CENPW: variants seen among roughly 807,000 people sequenced by gnomAD.
CENPW encodes the protein centromere protein W, also known as cancer-up-regulated gene 2 protein.
Under a neutral mutation model 11.1 loss-of-function variants are expected in CENPW, and 3 were observed. The observed-to-expected ratio is 0.27, with a 90% confidence interval of 0.12 to 0.70. CENPW has a LOEUF of 0.70. Ranked by LOEUF, CENPW falls within the 30% of genes least tolerant of loss-of-function variation. The probability of loss-of-function intolerance (pLI) is 0.77; values close to 1 mark genes in which losing one functional copy is unlikely to be tolerated. For synonymous variants in CENPW, 38 were observed against 42.0 expected, an observed-to-expected ratio of 0.91 and a Z score of 0.37; for missense variants, 100 against 105.6, an observed-to-expected ratio of 0.95 and a Z score of 0.23.
At chr6:126,443,096 A>G in the CENPW span, among the ~76,000 whole-genome samples, 2 of 151,330 alleles carry the variant, frequency 1.3e-5, 1 homozygote, top group South Asian at 4.1e-4. Context: ...ATTTAAAATT[A>G]TACAGTAATT....
chr6:126,348,300 C>G (rs1780446505), intron 2 of CENPW, among the ~76,000 whole-genome samples, 166 bp from the exon 3 acceptor site: 1 of 151,914 alleles, frequency 6.6e-6, no homozygotes, highest in Non-Finnish European at 1.5e-5. Context: ...GACTATAAGA[C>G]AAAAGATTCC....
the CENPW span, among the ~76,000 whole-genome samples, chr6:126,460,430 C>A: frequency 6.6e-6 from 1 of 151,634 alleles, no homozygotes; most frequent in African/African-American, 2.4e-5. Context: ...CAATTGCTTT[C>A]CTGTGTAATG....
the CENPW span, among the ~76,000 whole-genome samples, chr6:126,474,288 C>CTCTTGTTT: frequency 1.3e-5 from 2 of 152,076 alleles, no homozygotes; most frequent in East Asian, 1.9e-4. Flanking sequence ...AACAGTAAAG[C>CTCTTGTTT]TCTTGTTTTT....
the CENPW span, among the ~76,000 whole-genome samples, chr6:126,378,767 ATT>A: frequency 6.6e-6 from 1 of 152,324 alleles, no homozygotes; most frequent in Non-Finnish European, 1.5e-5. Context: ...TTATGTGACA[ATT>A]TGAAAATATT....
At chr6:126,399,081 C>T in the CENPW span, among the ~76,000 whole-genome samples, 2 of 151,860 alleles carry the variant, frequency 1.3e-5, no homozygotes, top group Non-Finnish European at 2.9e-5. Flanking sequence ...AGGTTGATTC[C>T]ATGTCTTTGC....
the CENPW span, among the ~76,000 whole-genome samples, chr6:126,471,530 T>A: frequency 4.2e-4 from 64 of 152,246 alleles, no homozygotes; most frequent in Admixed American, 2.9e-3. Context: ...GCAGCACTAT[T>A]TTAAATGGCC....
the CENPW span, among the ~76,000 whole-genome samples, chr6:126,423,610 G>A: frequency 6.6e-5 from 10 of 152,102 alleles, no homozygotes; most frequent in African/African-American, 2.2e-4. Flanking sequence ...GATGTTATGT[G>A]TGGTGGATGG....
the CENPW span, among the ~76,000 whole-genome samples, chr6:126,363,764 C>A: frequency 1.3e-5 from 2 of 152,190 alleles, no homozygotes; most frequent in South Asian, 2.1e-4. Context: ...CTCCTATCAA[C>A]CTTATCTCTC....
chr6:126,349,898 T>C (rs1287457350), downstream of CENPW, among the ~76,000 whole-genome samples: 1 of 152,138 alleles, frequency 6.6e-6, no homozygotes, highest in Non-Finnish European at 1.5e-5. Context: ...TCACTTAATC[T>C]GGAGTGCAGT....
chr6:126,365,583 C>G, the CENPW span, among the ~76,000 whole-genome samples: 3 of 152,178 alleles, frequency 2.0e-5, no homozygotes, highest in Non-Finnish European at 4.4e-5. Flanking sequence ...CACCAGCCCC[C>G]TCCTGTAATC....
the CENPW span, among the ~76,000 whole-genome samples, chr6:126,458,108 C>T: frequency 6.6e-6 from 1 of 151,174 alleles, no homozygotes; most frequent in Non-Finnish European, 1.5e-5. Context: ...TAATCATTTC[C>T]TTGGGTATAC....
At chr6:126,473,922 G>C in the CENPW span, among the ~76,000 whole-genome samples, 5 of 145,132 alleles carry the variant, frequency 3.4e-5, no homozygotes, top group Non-Finnish European at 7.5e-5. Context: ...GCATAGCATA[G>C]ATATAGAATA....
the CENPW span, among the ~76,000 whole-genome samples, chr6:126,446,939 G>A: frequency 6.6e-6 from 1 of 151,120 alleles, no homozygotes; most frequent in Non-Finnish European, 1.5e-5. Flanking sequence ...GCTAGTGTCA[G>A]ATCAGAATAT....
At chr6:126,436,382 AC>A in the CENPW span, among the ~76,000 whole-genome samples, 1,084 of 152,048 alleles carry the variant, frequency 7.1e-3, 12 homozygotes, top group African/African-American at 0.024. Flanking sequence ...GAAAATGATC[AC>A]AAATCTGTTA....
the CENPW span, among the ~76,000 whole-genome samples, chr6:126,470,839 G>T: frequency 6.6e-6 from 1 of 152,240 alleles, no homozygotes; most frequent in Non-Finnish European, 1.5e-5. Context: ...GACTTGCACA[G>T]GGCCTGTGGC....
At chr6:126,447,682 T>G in the CENPW span, among the ~76,000 whole-genome samples, 7 of 151,202 alleles carry the variant, frequency 4.6e-5, no homozygotes, top group African/African-American at 1.7e-4. Flanking sequence ...TTATACTTTA[T>G]GTTCCTGATT....
At chr6:126,351,149 A>AGTGTGTGT (rs71024750), downstream of CENPW, among the ~76,000 whole-genome samples, 574 of 147,158 alleles carry the variant, frequency 3.9e-3, 9 homozygotes, top group Admixed American at 0.025. Flanking sequence ...AGAGAGAGTG[A>AGTGTGTGT]GTGTGTGTGT....
chr6:126,440,741 G>A, the CENPW span, among the ~76,000 whole-genome samples: 1 of 151,486 alleles, frequency 6.6e-6, no homozygotes, highest in African/African-American at 2.4e-5. Context: ...GCTATATTTG[G>A]CATTAATTAG....
At chr6:126,456,041 T>A in the CENPW span, among the ~76,000 whole-genome samples, 1 of 151,092 alleles carries the variant, frequency 6.6e-6, no homozygotes, top group Non-Finnish European at 1.5e-5. Flanking sequence ...ATTACAAAAC[T>A]CTTCTCAAAG....
Sources: allele counts gnomAD v4.1 joint callset (sites outside exome capture counted in the v4.1 genomes callset), GRCh38; gene constraint gnomAD v4.1.1; transcripts MANE v1.5; gene names NCBI Gene and HGNC (gene_info 2026-07-23, HGNC 2026-07-21).